The following TCF24 variants were observed in gnomAD, a reference collection of about 807,000 sequenced individuals.
TCF24 encodes the protein transcription factor 24.
A neutral mutation model predicts 9.3 loss-of-function variants in TCF24; 5 were observed. That is an observed-to-expected ratio of 0.54 (90% CI 0.28 to 1.13). The LOEUF is 1.13. Among genes scored for constraint, TCF24 ranks in the 50% most tolerant of loss-of-function variants. The probability of loss-of-function intolerance (pLI) is 0.09; values close to 1 mark genes in which losing one functional copy is unlikely to be tolerated. For synonymous variants in TCF24, 110 were observed against 115.8 expected, an observed-to-expected ratio of 0.95 and a Z score of 0.32; for missense variants, 220 against 236.1, an observed-to-expected ratio of 0.93 and a Z score of 0.45.
At chr8:66,955,411 T>C (rs1431431730) in intron 3 of TCF24, among the ~76,000 whole-genome samples, 1 of 150,698 alleles carries the variant, frequency 6.6e-6, no homozygotes, top group Non-Finnish European at 1.5e-5. Flanking sequence ...CTCCTAAAGG[T>C]CAGCAATCTG....
In TCF24 at chr8:66,948,010, A is replaced by G. The variant is rs1014232947; in HGVS notation, c.*41T>C. 2.0e-5 allele frequency: 27 copies of G among 1,382,840 alleles called. No homozygotes were observed. The highest frequency in any genetic ancestry group is 2.5e-5 in the Non-Finnish European group (26 of 1,038,334). 85.7% of individuals were successfully genotyped at this position (1,382,840 alleles called of 1,614,324 possible). Reference sequence around the variant, plus strand: ...TAGAATTATGTCATAGTATTTAAAAACAATAGCCACCACTTCTACCAGCCC... The same window carrying G: ...TAGAATTATGTCATAGTATTTAAAAGCAATAGCCACCACTTCTACCAGCCC... On this transcript the variant is annotated 3_prime_UTR_variant, in exon 4 of 4. Coordinates refer to ENST00000563496, the MANE Select transcript of TCF24 (RefSeq NM_001193502.2).
intron 3 of TCF24, among the ~76,000 whole-genome samples, chr8:66,957,505 C>T (rs946600220): frequency 4.6e-5 from 7 of 151,450 alleles, no homozygotes; most frequent in East Asian, 1.9e-4. Context: ...GGGCCATCTA[C>T]AAGCTAGCAA....
chr8:66,961,892 G>T lies in TCF24; in HGVS notation c.-39C>A. 1 of 811,534 alleles carries T rather than the reference G, an allele frequency of 1.2e-6. No individual in the cohort carries two copies. Among genetic ancestry groups the T allele is most frequent in the African/African-American group, 1.8e-5 (1 of 54,096 alleles). The allele number at this position is 811,534 out of a possible 1,614,324, so 50.3% of individuals were successfully genotyped here. A position where few individuals can be genotyped will look rare whatever the true frequency, so the allele number is the denominator to read the frequency against. The stretch of plus-strand genomic sequence containing the variant: ...GTGCGCCCACCAGCAGCCCAACGGG[G>T]CTAAGGGCGCTCTCAAGCGAGCTCG... On this transcript the variant is annotated 5_prime_UTR_variant, in exon 2 of 4. Coordinates refer to ENST00000563496, the MANE Select transcript of TCF24 (RefSeq NM_001193502.2).
rs1814256241 is a variant in TCF24 at position 66,961,607 on chromosome 8, C to CGCCGCCGCCG, written c.149_158dup (p.Asn54GlyfsTer109). 7.7e-7 allele frequency: 1 copy of CGCCGCCGCCG among 1,296,452 alleles called. No homozygotes were observed. Among genetic ancestry groups the CGCCGCCGCCG allele is most frequent in the African/African-American group, 1.5e-5 (1 of 65,446 alleles). 80.3% of individuals were successfully genotyped at this position (1,296,452 alleles called of 1,614,324 possible). A position where few individuals can be genotyped will look rare whatever the true frequency, so the allele number is the denominator to read the frequency against. On this transcript the variant is annotated frameshift_variant, in exon 3 of 4. Transcript: ENST00000563496. LOFTEE classifies it high-confidence loss of function. Reference sequence around the variant, plus strand: ...CCCGGCTGCGCTCCCGCGCCGCATTCGCCGCCGCCGGCCGCCCGCTCCCGG... The same window carrying CGCCGCCGCCG: ...CCCGGCTGCGCTCCCGCGCCGCATTCGCCGCCGCCGGCCGCCGCCGGCCGCCCGCTCCCGG...
intron 3 of TCF24, among the ~76,000 whole-genome samples, chr8:66,955,494 A>G (rs1476746753): frequency 6.6e-6 from 1 of 152,190 alleles, no homozygotes; most frequent in Non-Finnish European, 1.5e-5. Flanking sequence ...GAACACACAC[A>G]GGCCAACTGC....
At chr8:66,956,292 T>A (rs188708975) in intron 3 of TCF24, among the ~76,000 whole-genome samples, 41 of 152,250 alleles carry the variant, frequency 2.7e-4, no homozygotes, top group African/African-American at 9.6e-4. Context: ...TATGCATTCC[T>A]ATACATTCTA....
intron 3 of TCF24, among the ~76,000 whole-genome samples, chr8:66,958,615 C>T (rs917623136): frequency 3.3e-5 from 5 of 152,110 alleles, no homozygotes; most frequent in Non-Finnish European, 5.9e-5. Flanking sequence ...GAGCTGAGAT[C>T]GCACCACTGC....
chr8:66,949,220 C>T (rs1283569514), intron 3 of TCF24, among the ~76,000 whole-genome samples: 1 of 151,970 alleles, frequency 6.6e-6, no homozygotes, highest in African/African-American at 2.4e-5. Context: ...CGTCATCTAG[C>T]ATTAGGTATA....
At position 66,961,786 on chromosome 8, in the gene TCF24, G is replaced by C. The variant is rs1379990584; in HGVS notation, c.-21C>G. On this transcript the variant is annotated splice_region_variant and 5_prime_UTR_variant, in exon 3 of 4. Transcript: ENST00000563496. ...TCCATGGCAGCTTCCCGCGCCGCGC[G>C]CGCTGCAAAGGACCGAAGGTGCGGT... 3.6e-6 allele frequency: 4 copies of C among 1,112,148 alleles called. No individual in the cohort carries two copies. Among genetic ancestry groups the C allele is most frequent in the East Asian group, 4.7e-5 (1 of 21,346 alleles). The allele number at this position is 1,112,148 out of a possible 1,614,324, so 68.9% of individuals were successfully genotyped here.
intron 3 of TCF24, among the ~76,000 whole-genome samples, chr8:66,958,011 C>T (rs1814190348): frequency 6.7e-6 from 1 of 150,334 alleles, no homozygotes; most frequent in Non-Finnish European, 1.5e-5. Context: ...CGAAGCAAAC[C>T]TAAAATTGTA....
intron 3 of TCF24, among the ~76,000 whole-genome samples, chr8:66,949,617 C>G (rs981088869): frequency 1.6e-3 from 243 of 152,236 alleles, no homozygotes; most frequent in African/African-American, 5.6e-3. Context: ...TGGGTATATA[C>G]CCAGTAATGG....
intron 3 of TCF24, 75 bp downstream of exon 3, chr8:66,961,301 A>T (rs1224676838): frequency 2.2e-6 from 3 of 1,369,358 alleles, no homozygotes; most frequent in Non-Finnish European, 1.9e-6. Context: ...GCATCTACCC[A>T]AGACGGTGAC....
rs1430064307 is a variant in TCF24 at position 66,948,045 on chromosome 8, G to A, written c.*6C>T. On this transcript the variant is annotated 3_prime_UTR_variant, in exon 4 of 4. Transcript: ENST00000563496. ...CCACTTCTACCAGCCCCCACCAGGG[G>A]AGAGCCTAAGGCTGTGAGTCTGTTG... is the stretch of plus-strand genomic sequence containing the variant. 3.3e-6 allele frequency: 5 copies of A among 1,515,270 alleles called. No homozygotes were observed. Among genetic ancestry groups the A allele is most frequent in the African/African-American group, 1.4e-5 (1 of 72,394 alleles). The allele number at this position is 1,515,270 out of a possible 1,614,324, so 93.9% of individuals were successfully genotyped here.
intron 3 of TCF24, among the ~76,000 whole-genome samples, chr8:66,956,594 C>A (rs1814156809): frequency 6.6e-6 from 1 of 152,106 alleles, no homozygotes; most frequent in African/African-American, 2.4e-5. Flanking sequence ...AACTCCTGAC[C>A]GCAAGTGACC....
At chr8:66,953,284 G>A (rs1292464117) in intron 3 of TCF24, among the ~76,000 whole-genome samples, 17 of 150,438 alleles carry the variant, frequency 1.1e-4, no homozygotes, top group African/African-American at 3.2e-4. Context: ...CTTTTAGGGC[G>A]GGCCTGGTGG....
chr8:66,954,028 G>T (rs1814106413), intron 3 of TCF24, among the ~76,000 whole-genome samples: 3 of 151,844 alleles, frequency 2.0e-5, no homozygotes, highest in African/African-American at 7.3e-5. Context: ...CAACTTCTTT[G>T]CCTTTGGTTT....
At chr8:66,955,483 G>A (rs1041209404) in intron 3 of TCF24, among the ~76,000 whole-genome samples, 9 of 151,942 alleles carry the variant, frequency 5.9e-5, no homozygotes, top group Non-Finnish European at 1.3e-4. Context: ...TCTTCATCAC[G>A]GAACACACAC....
At chr8:66,959,005 C>T (rs1031987176) in intron 3 of TCF24, among the ~76,000 whole-genome samples, 11 of 152,210 alleles carry the variant, frequency 7.2e-5, no homozygotes, top group African/African-American at 2.7e-4. Context: ...GGGTCTTGCT[C>T]AGTTGCCCAG....
At chr8:66,958,943 G>A (rs1814211927) in intron 3 of TCF24, among the ~76,000 whole-genome samples, 1 of 152,202 alleles carries the variant, frequency 6.6e-6, no homozygotes, top group Admixed American at 6.5e-5. Flanking sequence ...CAGGTTCCCA[G>A]TCTCTTAAAC....
Sources: allele counts gnomAD v4.1 joint callset (sites outside exome capture counted in the v4.1 genomes callset), GRCh38; gene constraint gnomAD v4.1.1; transcripts MANE v1.5; gene names NCBI Gene and HGNC (gene_info 2026-07-23, HGNC 2026-07-21).